Variants in DSCAM observed in about 807,000 individuals in gnomAD.
The protein encoded by DSCAM is cell adhesion molecule DSCAM.
Under a neutral mutation model 217.7 loss-of-function variants are expected in DSCAM, and 47 were observed. The ratio of observed to expected loss-of-function variants is 0.22; its 90% CI spans 0.17 to 0.28. The LOEUF (loss-of-function observed/expected upper bound fraction) is 0.28, where lower values mean the gene tolerates loss of function less well. Among genes scored for constraint, DSCAM ranks in the 10% least tolerant of loss-of-function variants. DSCAM has a pLI of 1.00. For synonymous variants in DSCAM, 1,056 were observed against 1,015.3 expected, an observed-to-expected ratio of 1.04 and a Z score of -0.76; for missense variants, 2,080 against 2,618.3, an observed-to-expected ratio of 0.79 and a Z score of 4.49.
intron 10 of DSCAM, among the ~76,000 whole-genome samples, chr21:40,293,730 C>T (rs1286389195): frequency 6.6e-6 from 1 of 152,010 alleles, no homozygotes; most frequent in African/African-American, 2.4e-5. Context: ...GAGGCTGAGG[C>T]AGAAGAATTG....
At chr21:40,480,297 C>G (rs960868955) in intron 3 of DSCAM, among the ~76,000 whole-genome samples, 2 of 152,156 alleles carry the variant, frequency 1.3e-5, no homozygotes, top group Non-Finnish European at 2.9e-5. Flanking sequence ...GTTAAAGAAT[C>G]ACTAACACAT....
intron 11 of DSCAM, among the ~76,000 whole-genome samples, chr21:40,204,096 A>G (rs2091098826): frequency 6.6e-6 from 1 of 152,224 alleles, no homozygotes; most frequent in Non-Finnish European, 1.5e-5. Flanking sequence ...TGTTTTGAAG[A>G]GAATGGGGTG....
chr21:40,038,107 G>T (rs1172056517), intron 32 of DSCAM, among the ~76,000 whole-genome samples: 1 of 151,860 alleles, frequency 6.6e-6, no homozygotes, highest in Non-Finnish European at 1.5e-5. Context: ...ATAAGCATGG[G>T]TAAGGACTTC....
At chr21:40,814,753 T>C (rs911960103) in intron 1 of DSCAM, among the ~76,000 whole-genome samples, 1 of 152,126 alleles carries the variant, frequency 6.6e-6, no homozygotes, top group African/African-American at 2.4e-5. Context: ...ATAAAAACAC[T>C]GGGACCAACC....
At chr21:40,454,237 T>C (rs1180403626) in intron 3 of DSCAM, among the ~76,000 whole-genome samples, 1 of 152,210 alleles carries the variant, frequency 6.6e-6, no homozygotes, top group African/African-American at 2.4e-5. Context: ...AAAGGCAGTA[T>C]AATGAAACAA....
intron 1 of DSCAM, among the ~76,000 whole-genome samples, chr21:40,832,127 G>A (rs1404523906): frequency 2.6e-5 from 4 of 152,200 alleles, no homozygotes; most frequent in Non-Finnish European, 5.9e-5. Context: ...ATTTGACTGA[G>A]AATGAACAGA....
At chr21:40,022,821 G>T (rs911292137) in intron 32 of DSCAM, among the ~76,000 whole-genome samples, 1 of 151,354 alleles carries the variant, frequency 6.6e-6, no homozygotes, top group Non-Finnish European at 1.5e-5. Context: ...TTAGCAACAA[G>T]TAATATTTAC....
intron 1 of DSCAM, among the ~76,000 whole-genome samples, chr21:40,771,408 A>G (rs1001482224): frequency 4.6e-5 from 7 of 152,166 alleles, no homozygotes; most frequent in Non-Finnish European, 5.9e-5. Context: ...CACCTTTTAC[A>G]TTTTTCCCGA....
chr21:40,131,125 G>A (rs2090150375), intron 19 of DSCAM, among the ~76,000 whole-genome samples: 2 of 152,306 alleles, frequency 1.3e-5, no homozygotes, highest in East Asian at 3.9e-4. Flanking sequence ...AATTGAAATT[G>A]TAAGTGTAAT....
chr21:40,546,789 G>A (rs1204049185), intron 3 of DSCAM, among the ~76,000 whole-genome samples: 1 of 152,166 alleles, frequency 6.6e-6, no homozygotes, highest in Non-Finnish European at 1.5e-5. Flanking sequence ...TTAAGTCACT[G>A]CTGGCCTCAC....
At chr21:40,401,587 A>C (rs1247463549) in intron 3 of DSCAM, among the ~76,000 whole-genome samples, 1 of 152,232 alleles carries the variant, frequency 6.6e-6, no homozygotes, top group African/African-American at 2.4e-5. Flanking sequence ...TGACCTTGCA[A>C]ATCCCTAAAG....
chr21:40,635,571 G>T (rs377162952), intron 3 of DSCAM, among the ~76,000 whole-genome samples: 2 of 152,172 alleles, frequency 1.3e-5, no homozygotes, highest in African/African-American at 4.8e-5. Context: ...GCGTGGGCAG[G>T]TGTGTGTGCA....
chr21:40,162,814 T>A (rs2090553610), intron 16 of DSCAM, among the ~76,000 whole-genome samples: 1 of 152,324 alleles, frequency 6.6e-6, no homozygotes, highest in African/African-American at 2.4e-5. Context: ...TCAGGATTTT[T>A]ATTGCAAGTA....
At chr21:40,484,421 G>C (rs772549606) in intron 3 of DSCAM, among the ~76,000 whole-genome samples, 7 of 152,208 alleles carry the variant, frequency 4.6e-5, no homozygotes, top group Admixed American at 2.6e-4. Context: ...AAGGACTCCT[G>C]TTCTCAGTGC....
intron 11 of DSCAM, among the ~76,000 whole-genome samples, chr21:40,209,774 G>A (rs1358622109): frequency 2.0e-5 from 3 of 152,110 alleles, no homozygotes; most frequent in Admixed American, 6.5e-5. Context: ...CTTACTGCAA[G>A]CCATAATCAG....
At chr21:40,020,242 C>A (rs1172049222) in intron 32 of DSCAM, among the ~76,000 whole-genome samples, 1 of 152,284 alleles carries the variant, frequency 6.6e-6, no homozygotes, top group Non-Finnish European at 1.5e-5. Flanking sequence ...ATGTGCCTGT[C>A]ACCTTCCGCC....
intron 3 of DSCAM, among the ~76,000 whole-genome samples, chr21:40,387,817 T>A (rs1347719925): frequency 1.3e-5 from 2 of 152,112 alleles, no homozygotes; most frequent in Admixed American, 1.3e-4. Context: ...TAAGAGTATA[T>A]CATAAAAGAT....
chr21:40,078,894 C>T lies in DSCAM; in HGVS notation c.4504G>A (p.Gly1502Ser), dbSNP rs1039605264. Residue 1502 changes from glycine (G) to serine (S), a missense_variant, in exon 26 of 33, where the codon GGC becomes AGC. Transcript: ENST00000400454. ...VRLNLIGWND[G>S]GCPITSFTLE... The stretch of plus-strand genomic sequence containing the variant: ...GTGAAGGAGGTGATGGGGCAGCCGC[C>T]ATCATTCCAGCCAATGAGGTTCAGC... The T allele has an allele frequency of 2.5e-6, 4 of 1,614,054 alleles. No individual in the cohort carries two copies. Among genetic ancestry groups the T allele is most frequent in the Non-Finnish European group, 2.5e-6 (3 of 1,180,050 alleles).
In DSCAM at chr21:40,330,835, C is replaced by A. The variant is rs560412734; in HGVS notation, c.1783+7266G>T. Among the ~76,000 whole-genome samples the A allele has an allele frequency of 1.4e-3, 219 of 152,266 alleles. 1 individual carries two copies. Among genetic ancestry groups the A allele is most frequent in the Non-Finnish European group, 9.7e-4 (66 of 68,016 alleles). On this transcript the variant is annotated intron_variant, in intron 8 of 32. Transcript: ENST00000400454. ...TTAAATTAAAAAGAGAGTATAAATTCTCATTTTAAATAATAAATTAACATA... is the reference window on the plus strand; with the variant it reads ...TTAAATTAAAAAGAGAGTATAAATTATCATTTTAAATAATAAATTAACATA...
Sources: allele counts gnomAD v4.1 joint callset (sites outside exome capture counted in the v4.1 genomes callset), GRCh38; gene constraint gnomAD v4.1.1; transcripts MANE v1.5; gene names NCBI Gene and HGNC (gene_info 2026-07-23, HGNC 2026-07-21).